The following AFG1L variants were observed in gnomAD, a reference collection of about 807,000 sequenced individuals.
The protein encoded by AFG1L is AFG1-like ATPase.
AFG1L carries 53 observed loss-of-function variants against 62.2 expected under a neutral mutation model. The ratio of observed to expected loss-of-function variants is 0.85; its 90% CI spans 0.68 to 1.07. The LOEUF is 1.07. AFG1L is among the 50% of genes least tolerant of loss of function. The pLI is 0.00. For synonymous variants in AFG1L, 228 were observed against 210.3 expected, an observed-to-expected ratio of 1.08 and a Z score of -0.73; for missense variants, 555 against 590.5, an observed-to-expected ratio of 0.94 and a Z score of 0.62.
chr6:108,520,579 C>G (rs1456219787), intron 12 of AFG1L: 1 of 152,220 alleles, frequency 6.6e-6, no homozygotes, highest in African/African-American at 2.4e-5. Flanking sequence ...TTCTTCCAGC[C>G]CCACAGGTGA....
At position 108,295,223 on chromosome 6, in the gene AFG1L, G is replaced by A; in HGVS notation, c.139+5G>A. 6.2e-7 allele frequency: 1 copy of A among 1,600,582 alleles called. No homozygotes were observed. The highest frequency in any genetic ancestry group is 8.5e-7 in the Non-Finnish European group (1 of 1,179,090). On this transcript the variant is annotated splice_donor_5th_base_variant and intron_variant, in intron 1 of 12. Transcript: ENST00000368977. ...CTGGGAAGCCCTTTTGGAAAGGTCA[G>A]TGACTGTGCCATGAGTAGTCCGAGC...
At chr6:108,446,721 C>G (rs1771822352) in intron 7 of AFG1L, among the ~76,000 whole-genome samples, 3 of 150,986 alleles carry the variant, frequency 2.0e-5, no homozygotes, top group Admixed American at 2.0e-4. Context: ...TCAGGCTGGT[C>G]TCAAACTCCT....
chr6:108,295,603 C>G (rs1776737157), intron 1 of AFG1L: 2 of 171,918 alleles, frequency 1.2e-5, no homozygotes, highest in South Asian at 1.6e-4. Flanking sequence ...GGAGGAAGAG[C>G]CGCGCCTGGG....
At chr6:108,476,765 C>CTTTTTTTT in intron 8 of AFG1L, 100 bp from the exon 9 acceptor site, 1 of 745,954 alleles carries the variant, frequency 1.3e-6, no homozygotes, top group Non-Finnish European at 2.3e-6. Context: ...ACATCCTGTT[C>CTTTTTTTT]TTTTTTTTTA....
intron 8 of AFG1L, among the ~76,000 whole-genome samples, chr6:108,476,413 C>T (rs1398807923): frequency 6.6e-6 from 1 of 152,172 alleles, no homozygotes; most frequent in Non-Finnish European, 1.5e-5. Flanking sequence ...GAGGTTTGAT[C>T]CTCTCAGTCA....
At chr6:108,420,782 A>G (rs1240767146) in intron 7 of AFG1L, among the ~76,000 whole-genome samples, 2 of 152,110 alleles carry the variant, frequency 1.3e-5, no homozygotes, top group Non-Finnish European at 2.9e-5. Flanking sequence ...CTGGAAAAAA[A>G]CAAGCTATTG....
chr6:108,334,356 A>G (rs576253711), intron 2 of AFG1L, among the ~76,000 whole-genome samples: 183 of 152,034 alleles, frequency 1.2e-3, no homozygotes, highest in Non-Finnish European at 2.1e-3. Flanking sequence ...TTTCTTGAAA[A>G]TATAATTTTA....
intron 11 of AFG1L, among the ~76,000 whole-genome samples, chr6:108,516,044 G>A (rs1002796765): frequency 6.6e-6 from 1 of 152,162 alleles, no homozygotes; most frequent in African/African-American, 2.4e-5. Context: ...AGGACCAGAT[G>A]GATTCACAGC....
At chr6:108,385,637 C>T (rs555773782) in intron 6 of AFG1L, among the ~76,000 whole-genome samples, 4 of 152,276 alleles carry the variant, frequency 2.6e-5, no homozygotes, top group South Asian at 4.1e-4. Flanking sequence ...TATTTCTGTA[C>T]GTGTGTCTTT....
rs2114457797 is a variant in AFG1L at position 108,355,742 on chromosome 6, A to G, written c.504A>G (p.Leu168=). The stretch of plus-strand genomic sequence containing the variant: ...GGGTTCATTTTCATGGTTTCATGCT[A>G]GATGTGCACAAAAGTAAGCAATGAT... ...KKRVHFHGFM[L]DVHKRIHRLK... Residue 168 remains leucine, a synonymous_variant, in exon 4 of 13, where the codon CTA becomes CTG. Transcript: ENST00000368977. The G allele has an allele frequency of 1.2e-6, 2 of 1,605,842 alleles. No homozygotes were observed. Among genetic ancestry groups the G allele is most frequent in the Admixed American group, 1.7e-5 (1 of 58,976 alleles).
In AFG1L at chr6:108,415,994, A is replaced by G. The variant is rs542451053; in HGVS notation, c.807+13940A>G. Among the ~76,000 whole-genome samples, 1,080 of 152,328 alleles carry G rather than the reference A, an allele frequency of 7.1e-3. 22 individuals carry two copies. The highest frequency in any genetic ancestry group is 0.025 in the African/African-American group (1,019 of 41,584). On this transcript the variant is annotated intron_variant, in intron 7 of 12. Transcript: ENST00000368977. ...TCAGAGTGAACAGGCAACCTACAGA[A>G]TGGGAGGAAATTTTTGCAATCTACT...
intron 10 of AFG1L, among the ~76,000 whole-genome samples, chr6:108,485,656 A>ATT (rs397842829): frequency 1.2e-4 from 3 of 25,032 alleles, no homozygotes; most frequent in African/African-American, 7.8e-4. Flanking sequence ...ATATATATAT[A>ATT]TTTTTTTTTT....
chr6:108,362,148 G>T (rs771584102), intron 5 of AFG1L, among the ~76,000 whole-genome samples: 5 of 152,004 alleles, frequency 3.3e-5, no homozygotes, highest in Non-Finnish European at 5.9e-5. Context: ...AGAACCCAAG[G>T]TATATTATAA....
At chr6:108,426,952 A>G (rs1402635770) in intron 7 of AFG1L, among the ~76,000 whole-genome samples, 1 of 152,114 alleles carries the variant, frequency 6.6e-6, no homozygotes, top group East Asian at 1.9e-4. Flanking sequence ...ACATATCTAT[A>G]TATATGTCCA....
intron 7 of AFG1L, among the ~76,000 whole-genome samples, chr6:108,408,387 A>G (rs1781958045): frequency 6.6e-6 from 1 of 151,972 alleles, no homozygotes; most frequent in African/African-American, 2.4e-5. Flanking sequence ...TCTTTGCCCA[A>G]CTCTGCATAT....
Position 108,448,201 on chromosome 6 carries a change from G to A in AFG1L, c.890+905G>A, listed in dbSNP as rs1221789641. On this transcript the variant is annotated intron_variant, in intron 8 of 12. Transcript: ENST00000368977. The stretch of plus-strand genomic sequence containing the variant: ...TATTTTAGTTTATTATTCAGATCCT[G>A]ATGATTATTATAGGAGATTCTTCAT... Among the ~76,000 whole-genome samples, 2 of 152,146 alleles carry A rather than the reference G, an allele frequency of 1.3e-5. 1 individual carries two copies. Among genetic ancestry groups the A allele is most frequent in the Non-Finnish European group, 2.9e-5 (2 of 68,020 alleles).
At chr6:108,414,134 C>T (rs1256567742) in intron 7 of AFG1L, among the ~76,000 whole-genome samples, 1 of 152,166 alleles carries the variant, frequency 6.6e-6, no homozygotes, top group Non-Finnish European at 1.5e-5. Flanking sequence ...TCAGAGAATA[C>T]TATAGACACC....
intron 6 of AFG1L, among the ~76,000 whole-genome samples, chr6:108,372,237 T>C (rs1440332032): frequency 6.6e-6 from 1 of 151,980 alleles, no homozygotes; most frequent in African/African-American, 2.4e-5. Flanking sequence ...TTTATTTTTA[T>C]TTTTTGCTAG....
chr6:108,458,824 GATACTGT>G (rs1424874935), intron 8 of AFG1L, among the ~76,000 whole-genome samples: 1 of 151,796 alleles, frequency 6.6e-6, no homozygotes, highest in Non-Finnish European at 1.5e-5. Context: ...TTGTGTTTCA[GATACTGT>G]GAATTTTATA....
Sources: allele counts gnomAD v4.1 joint callset (sites outside exome capture counted in the v4.1 genomes callset), GRCh38; gene constraint gnomAD v4.1.1; transcripts MANE v1.5; gene names NCBI Gene and HGNC (gene_info 2026-07-23, HGNC 2026-07-21).